TMEM108: variants seen among roughly 807,000 people sequenced by gnomAD.
The protein encoded by TMEM108 is transmembrane protein 108.
TMEM108 carries 12 observed loss-of-function variants against 35.1 expected under a neutral mutation model. That is an observed-to-expected ratio of 0.34 (90% CI 0.22 to 0.55). The LOEUF (loss-of-function observed/expected upper bound fraction) is 0.55, where lower values mean the gene tolerates loss of function less well. Among genes scored for constraint, TMEM108 ranks in the 20% least tolerant of loss-of-function variants. The probability of loss-of-function intolerance (pLI) is 0.89; values close to 1 mark genes in which losing one functional copy is unlikely to be tolerated. For synonymous variants in TMEM108, 287 were observed against 308.6 expected, an observed-to-expected ratio of 0.93 and a Z score of 0.73; for missense variants, 680 against 753.3, an observed-to-expected ratio of 0.90 and a Z score of 1.14.
intron 3 of TMEM108, among the ~76,000 whole-genome samples, chr3:133,264,251 A>C (rs1329475082): frequency 6.6e-6 from 1 of 152,162 alleles, no homozygotes; most frequent in African/African-American, 2.4e-5. Flanking sequence ...GCTGCAGTGA[A>C]CTATAATTGT....
At chr3:133,102,870 A>T (rs530471371) in intron 2 of TMEM108, among the ~76,000 whole-genome samples, 10 of 141,892 alleles carry the variant, frequency 7.0e-5, no homozygotes, top group African/African-American at 2.5e-4. Flanking sequence ...GAAAACTTCC[A>T]TTCAAACCCC....
At chr3:133,233,474 G>A (rs1358149995) in intron 3 of TMEM108, among the ~76,000 whole-genome samples, 15 of 152,232 alleles carry the variant, frequency 9.9e-5, no homozygotes, top group African/African-American at 3.1e-4. Context: ...AGTCTTTGCT[G>A]TTGTGAATAG....
At chr3:133,195,800 G>A (rs2107820076) in intron 2 of TMEM108, among the ~76,000 whole-genome samples, 1 of 152,324 alleles carries the variant, frequency 6.6e-6, no homozygotes, top group South Asian at 2.1e-4. Flanking sequence ...GGGAAAATGA[G>A]CTCAGATATA....
In TMEM108 at chr3:133,342,544, G is replaced by GTATATATATATATATATATATATATA. The variant is rs1553764021; in HGVS notation, c.41-37196_41-37195insTATATATATATATATATATATATATA. ...TAAAAAAGTTAAAAAAGAAAATGTGGTATATATATATACACACACACACAC... is the reference window on the plus strand; with the variant it reads ...TAAAAAAGTTAAAAAAGAAAATGTGGTATATATATATATATATATATATATATATATATATATACACACACACACAC... On this transcript the variant is annotated intron_variant, in intron 3 of 5. Transcript: ENST00000321871. Among the ~76,000 whole-genome samples, 182 of 46,510 alleles carry GTATATATATATATATATATATATATA rather than the reference G, an allele frequency of 3.9e-3. 15 individuals carry two copies. The highest frequency in any genetic ancestry group is 0.012 in the Middle Eastern group (1 of 84). 30.5% of individuals were successfully genotyped at this position (46,510 alleles called of 152,430 possible).
chr3:133,396,410 G>C lies in TMEM108; in HGVS notation c.*424G>C, dbSNP rs191758353. 2 of 153,046 alleles carry C rather than the reference G, an allele frequency of 1.3e-5. No individual in the cohort carries two copies. Among genetic ancestry groups the C allele is most frequent in the African/African-American group, 2.4e-5 (1 of 41,390 alleles). The allele number at this position is 153,046 out of a possible 1,614,324, so 9.5% of individuals were successfully genotyped here. On this transcript the variant is annotated 3_prime_UTR_variant, in exon 6 of 6. Transcript: ENST00000321871. ...GACCCCATTTCCTCCCTTCTCATACGCACACCTGTAAAGGGAACTGGACCG... is the reference window on the plus strand; with the variant it reads ...GACCCCATTTCCTCCCTTCTCATACCCACACCTGTAAAGGGAACTGGACCG...
At chr3:133,063,557 G>A (rs115236542) in intron 2 of TMEM108, among the ~76,000 whole-genome samples, 1 of 152,256 alleles carries the variant, frequency 6.6e-6, no homozygotes, top group African/African-American at 2.4e-5. Context: ...ATTGGGAATG[G>A]TGGGTGATAG....
At position 133,317,557 on chromosome 3, in the gene TMEM108, AC is replaced by A. The variant is rs375611730; in HGVS notation, c.41-62193del. Among the ~76,000 whole-genome samples, 33 of 152,284 alleles carry A rather than the reference AC, an allele frequency of 2.2e-4. No homozygotes were observed. The South Asian group carries it at 6.2e-3, about 29-fold the overall frequency. ...TTATAGGCAGGAACATAAACACCAG[AC>A]CTAATTTTGAAAATAAGCAGAATAG... On this transcript the variant is annotated intron_variant, in intron 3 of 5. Transcript: ENST00000321871.
chr3:133,283,832 A>G (rs970033549), intron 3 of TMEM108, among the ~76,000 whole-genome samples: 1 of 152,182 alleles, frequency 6.6e-6, no homozygotes, highest in Non-Finnish European at 1.5e-5. Context: ...GAAAATTATA[A>G]TTCATATGCC....
chr3:133,328,219 A>G (rs1212675776), intron 3 of TMEM108, among the ~76,000 whole-genome samples: 1 of 152,226 alleles, frequency 6.6e-6, no homozygotes, highest in Non-Finnish European at 1.5e-5. Flanking sequence ...TCATGAGGTC[A>G]GAAGGAACTG....
rs565677858 is a variant in TMEM108, at chr3:133,176,661, C to G, written c.-46-52605C>G. On this transcript the variant is annotated intron_variant, in intron 2 of 5. Transcript: ENST00000321871. ...CATACCAGAATCTCTGGGACACATT[C>G]AAAGCAGTGTGTAGAGGGAAATGTA... 8.1e-3 allele frequency among the ~76,000 whole-genome samples: 1,231 copies of G among 152,058 alleles called. 16 individuals carry two copies. Among genetic ancestry groups the G allele is most frequent in the African/African-American group, 0.028 (1,159 of 41,450 alleles).
chr3:133,177,177 G>C (rs1276464928), intron 2 of TMEM108, among the ~76,000 whole-genome samples: 2 of 152,148 alleles, frequency 1.3e-5, no homozygotes, highest in Non-Finnish European at 2.9e-5. Flanking sequence ...ATAATAAATA[G>C]CTTACCAACC....
intron 2 of TMEM108, among the ~76,000 whole-genome samples, chr3:133,090,579 G>T (rs1943935517): frequency 6.6e-6 from 1 of 152,130 alleles, no homozygotes; most frequent in Non-Finnish European, 1.5e-5. Context: ...GCCAAGTAAA[G>T]CTTGAGAAGT....
intron 3 of TMEM108, among the ~76,000 whole-genome samples, chr3:133,295,389 A>G (rs1000185461): frequency 3.9e-5 from 6 of 152,168 alleles, no homozygotes; most frequent in Admixed American, 6.5e-5. Context: ...TGGTAGGCCC[A>G]TTAGGGAACT....
At chr3:133,127,304 C>T (rs972036032) in intron 2 of TMEM108, among the ~76,000 whole-genome samples, 2 of 152,184 alleles carry the variant, frequency 1.3e-5, no homozygotes, top group South Asian at 4.1e-4. Flanking sequence ...ACATTAGCCA[C>T]GTTTTAAGCA....
At chr3:133,231,681 A>C (rs1387843142) in intron 3 of TMEM108, among the ~76,000 whole-genome samples, 1 of 152,228 alleles carries the variant, frequency 6.6e-6, no homozygotes, top group Non-Finnish European at 1.5e-5. Context: ...CACTTCTCAA[A>C]GAAAAGAGGA....
At chr3:133,251,756 T>C (rs1237603818) in intron 3 of TMEM108, among the ~76,000 whole-genome samples, 2 of 152,186 alleles carry the variant, frequency 1.3e-5, no homozygotes, top group African/African-American at 4.8e-5. Flanking sequence ...AAATGTTGTC[T>C]AGATTTGGGG....
chr3:133,294,771 A>G (rs1355445421), intron 3 of TMEM108, among the ~76,000 whole-genome samples: 1 of 152,226 alleles, frequency 6.6e-6, no homozygotes, highest in African/African-American at 2.4e-5. Flanking sequence ...CCCTTTAATA[A>G]TGTTGGCTGA....
intron 4 of TMEM108, among the ~76,000 whole-genome samples, chr3:133,385,586 C>G (rs1010884688): frequency 1.2e-4 from 18 of 152,356 alleles, no homozygotes; most frequent in Non-Finnish European, 2.6e-4. Context: ...CACTGGCACC[C>G]ATGGGCGAAT....
chr3:133,180,107 A>T (rs1945309855), intron 2 of TMEM108, among the ~76,000 whole-genome samples: 1 of 152,172 alleles, frequency 6.6e-6, no homozygotes, highest in South Asian at 2.1e-4. Context: ...ACTAGTTACT[A>T]AATATCAATT....
Sources: allele counts gnomAD v4.1 joint callset (sites outside exome capture counted in the v4.1 genomes callset), GRCh38; gene constraint gnomAD v4.1.1; transcripts MANE v1.5; gene names NCBI Gene and HGNC (gene_info 2026-07-23, HGNC 2026-07-21).